The following PNKD variants were observed in gnomAD, a reference collection of about 807,000 sequenced individuals.
PNKD encodes PNKD metallo-beta-lactamase domain containing.
PNKD carries 36 observed loss-of-function variants against 45.3 expected under a neutral mutation model. That is an observed-to-expected ratio of 0.80 (90% CI 0.61 to 1.05). The LOEUF is 1.05. PNKD is among the 50% of genes least tolerant of loss of function. The pLI, the probability that PNKD is intolerant of heterozygous loss-of-function variation, is 0.00. For missense variants in PNKD, 511 were observed against 506.6 expected (o/e 1.01, Z -0.08); for synonymous variants, 197 against 210.1 (o/e 0.94, Z 0.54).
intron 2 of PNKD, among the ~76,000 whole-genome samples, chr2:218,290,939 C>T (rs1297027956): frequency 6.6e-6 from 1 of 152,212 alleles, no homozygotes; most frequent in African/African-American, 2.4e-5. Flanking sequence ...TGAGCTTCCA[C>T]TCTCTGGTCG....
At chr2:218,277,686 AGAC>A in intron 2 of PNKD, 1 of 1,614,136 alleles carries the variant, frequency 6.2e-7, no homozygotes, top group Non-Finnish European at 8.5e-7. Context: ...GGAAGGAGAG[AGAC>A]AAGAATGAAA....
intron 2 of PNKD, among the ~76,000 whole-genome samples, chr2:218,291,340 G>A (rs1363184657): frequency 1.3e-5 from 2 of 152,168 alleles, no homozygotes; most frequent in Non-Finnish European, 2.9e-5. Flanking sequence ...AAGGAAGTAT[G>A]GCTCCCCCTT....
intron 2 of PNKD, chr2:218,272,496 G>A (rs1690882800): frequency 2.8e-6 from 4 of 1,404,942 alleles, no homozygotes; most frequent in South Asian, 2.3e-5. Flanking sequence ...GATGAAGCTA[G>A]AATGACTCCC....
At chr2:218,281,236 A>G (rs1473000903) in intron 2 of PNKD, among the ~76,000 whole-genome samples, 1 of 148,526 alleles carries the variant, frequency 6.7e-6, no homozygotes, top group Non-Finnish European at 1.5e-5. Flanking sequence ...TGGGATTGCA[A>G]GCGATTCTCC....
At chr2:218,307,766 T>C (rs1266492741) in intron 2 of PNKD, among the ~76,000 whole-genome samples, 2 of 151,834 alleles carry the variant, frequency 1.3e-5, no homozygotes, top group Non-Finnish European at 2.9e-5. Flanking sequence ...CTGTAAGTGG[T>C]GAATTTAGAG....
chr2:218,310,556 G>A (rs929458598), intron 2 of PNKD, among the ~76,000 whole-genome samples: 1 of 141,270 alleles, frequency 7.1e-6, no homozygotes, highest in African/African-American at 2.6e-5. Context: ...AGGACCACAT[G>A]TATAACAATG....
chr2:218,307,939 G>A (rs946916108), intron 2 of PNKD, among the ~76,000 whole-genome samples: 5 of 152,114 alleles, frequency 3.3e-5, no homozygotes, highest in Non-Finnish European at 7.4e-5. Flanking sequence ...AGGGGACAGC[G>A]CCAAATTAGG....
rs543225355 is a variant in PNKD at position 218,321,374 on chromosome 2, G to A, written c.237-18409G>A. ...TTTCTCACTCCTCTGTCTCCTCTGC[G>A]GTACCAGCCCTTTATATGCCAGGCA... On this transcript the variant is annotated intron_variant, in intron 2 of 9. Coordinates refer to ENST00000273077, the MANE Select transcript of PNKD (RefSeq NM_015488.5). 1.2e-3 allele frequency among the ~76,000 whole-genome samples: 180 copies of A among 152,190 alleles called. 1 individual carries two copies. Among genetic ancestry groups the A allele is most frequent in the African/African-American group, 4.1e-3 (169 of 41,514 alleles).
At chr2:218,293,569 C>A (rs903742350) in intron 2 of PNKD, among the ~76,000 whole-genome samples, 15 of 148,404 alleles carry the variant, frequency 1.0e-4, no homozygotes, top group Admixed American at 6.2e-4. Flanking sequence ...ACCACACCAC[C>A]ACTGAATGTC....
At chr2:218,325,760 G>A (rs1183053655) in intron 2 of PNKD, among the ~76,000 whole-genome samples, 2 of 152,082 alleles carry the variant, frequency 1.3e-5, no homozygotes, top group Non-Finnish European at 2.9e-5. Flanking sequence ...TTGAGACGTG[G>A]GATTTTACAA....
In PNKD at chr2:218,277,351, C is replaced by G. The variant is rs1341576136; in HGVS notation, c.236+5802C>G. 1.9e-6 allele frequency: 3 copies of G among 1,611,002 alleles called. No individual in the cohort carries two copies. In the African/African-American group the frequency reaches 4.0e-5, roughly 22 times the overall value. ...GGGAGTCGGGGGGCCAGGGAAGGGC[C>G]CTCCATGCCCTCACCTTGGTCTGAA... On this transcript the variant is annotated intron_variant, in intron 2 of 9. Coordinates refer to ENST00000273077, the MANE Select transcript of PNKD (RefSeq NM_015488.5).
Position 218,344,462 on chromosome 2 carries a change from G to A in PNKD, c.876G>A (p.Glu292=). 6.3e-7 allele frequency: 1 copy of A among 1,575,590 alleles called. No homozygotes were observed. Among genetic ancestry groups the A allele is most frequent in the Non-Finnish European group, 8.6e-7 (1 of 1,159,646 alleles). Residue 292 remains glutamate (E), a synonymous_variant, in exon 9 of 10, where the codon GAG becomes GAA. Transcript: ENST00000273077. ...GDDTLLWPGH[E]YAEENLGFAG... ...CCTCATGGCTGTCGGTAGGTCATGA[G>A]TATGCAGAGGAGAACCTGGGCTTTG...
chr2:218,318,583 C>T (rs1435133137), intron 2 of PNKD, among the ~76,000 whole-genome samples: 1 of 152,224 alleles, frequency 6.6e-6, no homozygotes, highest in African/African-American at 2.4e-5. Flanking sequence ...GGTGGCAAAA[C>T]ATAAATTGTC....
chr2:218,273,293 C>T (rs950907602), intron 2 of PNKD, among the ~76,000 whole-genome samples: 3 of 151,786 alleles, frequency 2.0e-5, no homozygotes, highest in South Asian at 2.1e-4. Context: ...TTTTTTGAGA[C>T]GGAGTCTCGC....
At position 218,270,574 on chromosome 2, in the gene PNKD, G is replaced by T; in HGVS notation, c.39G>T (p.Arg13=). 1 of 1,194,066 alleles carries T rather than the reference G, an allele frequency of 8.4e-7. No individual in the cohort carries two copies. Among genetic ancestry groups the T allele is most frequent in the Non-Finnish European group, 1.1e-6 (1 of 923,858 alleles). 74.0% of individuals were successfully genotyped at this position (1,194,066 alleles called of 1,614,324 possible). A position where few individuals can be genotyped will look rare whatever the true frequency, so the allele number is the denominator to read the frequency against. Residue 13 remains arginine (R), a synonymous_variant, in exon 1 of 10, where the codon CGG becomes CGT. Coordinates refer to ENST00000273077, the MANE Select transcript of PNKD (RefSeq NM_015488.5). ...AVVAATALKG[R]GARNARVLRG... ...TAGCTGCTACGGCGCTGAAGGGCCGGGGGGCGAGAAATGCCCGCGTCCTCC... is the reference window on the plus strand; with the variant it reads ...TAGCTGCTACGGCGCTGAAGGGCCGTGGGGCGAGAAATGCCCGCGTCCTCC...
At chr2:218,271,329 G>A in intron 1 of PNKD, 52 bp from the exon 2 acceptor site, 2 of 1,542,376 alleles carry the variant, frequency 1.3e-6, no homozygotes, top group Non-Finnish European at 1.8e-6. Context: ...CCACCTCCCC[G>A]CTTGCTTTCT....
At chr2:218,321,243 C>G (rs1297362772) in intron 2 of PNKD, among the ~76,000 whole-genome samples, 2 of 152,204 alleles carry the variant, frequency 1.3e-5, no homozygotes, top group African/African-American at 2.4e-5. Flanking sequence ...TGCACAATGA[C>G]TTTTGATGAT....
chr2:218,303,019 A>T lies in PNKD; in HGVS notation c.236+31470A>T, dbSNP rs147024923. On this transcript the variant is annotated intron_variant, in intron 2 of 9. Coordinates refer to ENST00000273077, the MANE Select transcript of PNKD (RefSeq NM_015488.5). ...CAGTTGTGCCATCTTAGCTCACTGC[A>T]ACTTCTGCCTGCCAGGTTCAAGTGA... Among the ~76,000 whole-genome samples the T allele has an allele frequency of 3.9e-3, 593 of 152,200 alleles. 5 individuals carry two copies. Among genetic ancestry groups the T allele is most frequent in the African/African-American group, 0.011 (471 of 41,522 alleles).
chr2:218,344,975 C>T lies in PNKD; in HGVS notation c.1152C>T (p.Ser384=). The T allele has an allele frequency of 6.2e-7, 1 of 1,612,302 alleles. No individual in the cohort carries two copies. The change falls in exon 10 of 10, where the codon AGC becomes AGT. Residue 384 remains serine (S), a synonymous_variant. Transcript: ENST00000273077. Reference sequence around the variant, plus strand: ...GCCGGCTGAAGGATATGCACAAGAGCAAGTGATGCCCCCAGCGCCCCCAGC... The same window carrying T: ...GCCGGCTGAAGGATATGCACAAGAGTAAGTGATGCCCCCAGCGCCCCCAGC... ...ELRRLKDMHK[S]K
Sources: allele counts gnomAD v4.1 joint callset (sites outside exome capture counted in the v4.1 genomes callset), GRCh38; gene constraint gnomAD v4.1.1; transcripts MANE v1.5; gene names NCBI Gene and HGNC (gene_info 2026-07-23, HGNC 2026-07-21).